The following TMX4 variants were observed in gnomAD, a reference collection of about 807,000 sequenced individuals.
The protein encoded by TMX4 is thioredoxin related transmembrane protein 4.
A neutral mutation model predicts 33.3 loss-of-function variants in TMX4; 23 were observed. The ratio of observed to expected loss-of-function variants is 0.69; its 90% confidence interval spans 0.50 to 0.98. The LOEUF is 0.98. TMX4 is among the 50% of genes least tolerant of loss of function. TMX4 has a pLI of 0.00. For synonymous variants in TMX4, 164 were observed against 161.5 expected (o/e 1.02, Z -0.12); for missense variants, 399 against 448.9 (o/e 0.89, Z 1.01).
intron 5 of TMX4, among the ~76,000 whole-genome samples, chr20:7,993,200 T>C (rs957596327): frequency 3.9e-5 from 6 of 152,248 alleles, no homozygotes; most frequent in African/African-American, 1.4e-4. Flanking sequence ...ATTCTACGTC[T>C]TTCCTTCTTC....
intron 1 of TMX4, chr20:8,019,101 GC>G: frequency 2.1e-6 from 1 of 483,582 alleles, no homozygotes; most frequent in East Asian, 6.4e-5. Flanking sequence ...ATGGGAAGCT[GC>G]CCACTCCACC....
rs933586864 is a variant in TMX4, at chr20:8,010,281, C to T, written c.211G>A (p.Asp71Asn). The T allele has an allele frequency of 1.9e-6, 3 of 1,611,744 alleles. No individual in the cohort carries two copies. Among genetic ancestry groups the T allele is most frequent in the Non-Finnish European group, 2.5e-6 (3 of 1,178,366 alleles). The change falls in exon 2 of 8, where the codon GAT becomes AAT. Residue 71 changes from aspartate (D) to asparagine (N), a missense_variant. Asp to Asn is a conservative substitution (Grantham distance 23). Transcript: ENST00000246024. ...APWCPSCQQT[D>N]SEWEAFAKNG... ...TTTGCAAAAGCCTCCCATTCTGAAT[C>T]AGTCTGCTGGCAGGATGGACACCAT...
At chr20:8,008,192 G>A (rs1050577770) in intron 2 of TMX4, among the ~76,000 whole-genome samples, 3 of 152,058 alleles carry the variant, frequency 2.0e-5, no homozygotes, top group African/African-American at 4.8e-5. Context: ...GCATGTAGAA[G>A]TTTATCTCCT....
rs552834561 is a variant in TMX4 at position 8,008,531 on chromosome 20, CTA to C, written c.292+1667_292+1668del. Among the ~76,000 whole-genome samples the C allele has an allele frequency of 4.4e-3, 668 of 152,156 alleles. 6 individuals carry two copies. The highest frequency in any genetic ancestry group is 0.014 in the African/African-American group (593 of 41,530). Reference sequence around the variant, plus strand: ...AAGTCTACATTTTTAGAAGGAAAGACTATATTTAATTAAACATAAGATTTGTG... The same window carrying C: ...AAGTCTACATTTTTAGAAGGAAAGACTATTTAATTAAACATAAGATTTGTG... On this transcript the variant is annotated intron_variant, in intron 2 of 7. Transcript: ENST00000246024.
chr20:7,991,868 T>C lies in TMX4; in HGVS notation c.513+4158A>G, dbSNP rs576898663. Among the ~76,000 whole-genome samples, 6 of 150,430 alleles carry C rather than the reference T, an allele frequency of 4.0e-5. No homozygotes were observed. In the East Asian group the frequency reaches 1.2e-3, roughly 29 times the overall value. ...AAAATAGGATTCAGGGGCCTACACATAAGGTGTGAAACAATGATGTGTTTC... is the reference window on the plus strand; with the variant it reads ...AAAATAGGATTCAGGGGCCTACACACAAGGTGTGAAACAATGATGTGTTTC... On this transcript the variant is annotated intron_variant, in intron 5 of 7. Coordinates refer to ENST00000246024, the MANE Select transcript of TMX4 (RefSeq NM_021156.4).
intron 5 of TMX4, among the ~76,000 whole-genome samples, chr20:7,989,124 T>C (rs926798920): frequency 1.3e-5 from 2 of 152,118 alleles, no homozygotes; most frequent in Non-Finnish European, 2.9e-5. Flanking sequence ...TCAAAGAAAG[T>C]TTTAAAATTT....
intron 3 of TMX4, 132 bp downstream of exon 3, chr20:8,001,363 TC>T: frequency 5.4e-6 from 5 of 925,948 alleles, no homozygotes; most frequent in Non-Finnish European, 8.3e-6. Context: ...CAGCTCTCAC[TC>T]AGAGCACACC....
intron 2 of TMX4, among the ~76,000 whole-genome samples, chr20:8,006,870 A>T (rs2050733146): frequency 6.7e-6 from 1 of 150,152 alleles, no homozygotes; most frequent in Non-Finnish European, 1.5e-5. Flanking sequence ...GCGATTCTCC[A>T]TTCTCCTGCC....
chr20:7,977,970 G>C lies in TMX4; in HGVS notation c.*4281C>G, dbSNP rs1325864919. ...GCTGTTCAAAAAGCTGCCCCATCAGGTTCAGCAGGCTTGATGACTCCAAAT... is the reference window on the plus strand; with the variant it reads ...GCTGTTCAAAAAGCTGCCCCATCAGCTTCAGCAGGCTTGATGACTCCAAAT... On this transcript the variant is annotated 3_prime_UTR_variant, in exon 8 of 8. Transcript: ENST00000246024. The C allele has an allele frequency of 1.3e-5, 2 of 152,180 alleles. No individual in the cohort carries two copies. 9.4% of individuals were successfully genotyped at this position (152,180 alleles called of 1,614,324 possible). A position where few individuals can be genotyped will look rare whatever the true frequency, so the allele number is the denominator to read the frequency against.
At chr20:8,005,758 T>C (rs981922877) in intron 2 of TMX4, among the ~76,000 whole-genome samples, 8 of 151,902 alleles carry the variant, frequency 5.3e-5, no homozygotes, top group African/African-American at 1.9e-4. Context: ...CAGCAGACAC[T>C]GGCAAGTCGA....
intron 4 of TMX4, among the ~76,000 whole-genome samples, chr20:7,996,803 T>TA (rs1276904940): frequency 6.6e-6 from 1 of 152,114 alleles, no homozygotes; most frequent in Non-Finnish European, 1.5e-5. Context: ...TTTTACCCTT[T>TA]AAAAAGAGTA....
At chr20:8,002,257 C>G (rs1423871186) in intron 2 of TMX4, among the ~76,000 whole-genome samples, 1 of 152,138 alleles carries the variant, frequency 6.6e-6, no homozygotes, top group Admixed American at 6.5e-5. Flanking sequence ...CTTCTTTGTT[C>G]CAGAGACTGT....
At chr20:7,998,093 G>A (rs2050684350) in intron 4 of TMX4, among the ~76,000 whole-genome samples, 1 of 151,996 alleles carries the variant, frequency 6.6e-6, no homozygotes, top group African/African-American at 2.4e-5. Context: ...CCAAGCAGAT[G>A]CCAGCATCAT....
At chr20:7,999,250 T>C (rs2050691822) in intron 4 of TMX4, among the ~76,000 whole-genome samples, 1 of 152,176 alleles carries the variant, frequency 6.6e-6, no homozygotes, top group African/African-American at 2.4e-5. Context: ...CACCAAGTAT[T>C]ATACAGTTTG....
chr20:7,991,702 G>A lies in TMX4; in HGVS notation c.514-4313C>T, dbSNP rs1055768766. 6.6e-5 allele frequency among the ~76,000 whole-genome samples: 10 copies of A among 151,946 alleles called. No homozygotes were observed. In the South Asian group the frequency reaches 2.1e-3, roughly 32 times the overall value. On this transcript the variant is annotated intron_variant, in intron 5 of 7. Coordinates refer to ENST00000246024, the MANE Select transcript of TMX4 (RefSeq NM_021156.4). ...TATTCCACGTTGGCTATAAAGAGAAGGAAAAAGTAAAATAATGAAGACAAT... is the reference window on the plus strand; with the variant it reads ...TATTCCACGTTGGCTATAAAGAGAAAGAAAAAGTAAAATAATGAAGACAAT...
intron 5 of TMX4, among the ~76,000 whole-genome samples, chr20:7,988,529 A>C (rs1052439959): frequency 3.3e-5 from 5 of 152,248 alleles, no homozygotes; most frequent in Non-Finnish European, 7.3e-5. Context: ...GATAGAGCTA[A>C]AGACGCAGCA....
At chr20:7,995,727 A>G (rs527466794) in intron 5 of TMX4, among the ~76,000 whole-genome samples, 2 of 152,156 alleles carry the variant, frequency 1.3e-5, no homozygotes, top group African/African-American at 4.8e-5. Context: ...AGATATGCCT[A>G]CAAAGAAATA....
At chr20:8,009,031 G>C (rs1219749973) in intron 2 of TMX4, among the ~76,000 whole-genome samples, 1 of 152,084 alleles carries the variant, frequency 6.6e-6, no homozygotes, top group Non-Finnish European at 1.5e-5. Flanking sequence ...TATAGAAAAT[G>C]AATGTCTACA....
At chr20:8,007,355 T>C (rs1295179388) in intron 2 of TMX4, among the ~76,000 whole-genome samples, 1 of 152,198 alleles carries the variant, frequency 6.6e-6, no homozygotes, top group East Asian at 1.9e-4. Context: ...CACTTAACAC[T>C]GCTGTTACTA....
Sources: gnomAD v4.1 joint callset for allele counts (sites outside exome capture counted in the v4.1 genomes callset) on GRCh38, gnomAD v4.1.1 for gene constraint, MANE v1.5 for transcripts, NCBI Gene and HGNC (gene_info 2026-07-23, HGNC 2026-07-21) for gene names.